The following RBFOX1 variants were observed in gnomAD, a reference collection of about 807,000 sequenced individuals.
RBFOX1 encodes RNA binding fox-1 homolog 1.
RBFOX1 carries 8 observed loss-of-function variants against 57.7 expected under a neutral mutation model. That is an observed-to-expected ratio of 0.14 (90% confidence interval 0.08 to 0.25). The LOEUF is 0.25. Among genes scored for constraint, RBFOX1 ranks in the 10% least tolerant of loss-of-function variants. The probability of loss-of-function intolerance (pLI) is 1.00; values close to 1 mark genes in which losing one functional copy is unlikely to be tolerated. For missense variants in RBFOX1, 611 were observed against 548.5 expected (o/e 1.11, Z -1.14); for synonymous variants, 326 against 222.4 (o/e 1.47, Z -4.15).
At chr16:5,760,791 T>C (rs756554262) in intron 3 of RBFOX1, among the ~76,000 whole-genome samples, 1 of 152,082 alleles carries the variant, frequency 6.6e-6, no homozygotes, top group Non-Finnish European at 1.5e-5. Flanking sequence ...CCAAAAAGAA[T>C]AGGTAAATCC....
Position 5,955,311 on chromosome 16 carries a change from TA to T in RBFOX1, c.351+87980del, listed in dbSNP as rs1172434533. On this transcript the variant is annotated intron_variant, in intron 4 of 19. Coordinates refer to the RBFOX1 transcript ENST00000641259. ...TAAAATAAAATAAAATAAAATAAAA[TA>T]AAATAAAATAAAATAAAATAAAATA... Among the ~76,000 whole-genome samples, 145 of 20,490 alleles carry T rather than the reference TA, an allele frequency of 7.1e-3. 12 individuals carry two copies. The highest frequency in any genetic ancestry group is 0.038 in the Middle Eastern group (2 of 52). 13.4% of individuals were successfully genotyped at this position (20,490 alleles called of 152,430 possible). A position where few individuals can be genotyped will look rare whatever the true frequency, so the allele number is the denominator to read the frequency against.
intron 3 of RBFOX1, among the ~76,000 whole-genome samples, chr16:5,665,894 C>T (rs915171486): frequency 1.3e-5 from 2 of 152,214 alleles, no homozygotes; most frequent in Non-Finnish European, 2.9e-5. Context: ...GCCTCAGCTT[C>T]TGAGAGGCAT....
intron 1 of RBFOX1, among the ~76,000 whole-genome samples, chr16:5,462,168 CTTTT>C (rs1250754827): frequency 7.4e-5 from 3 of 40,706 alleles, no homozygotes; most frequent in Non-Finnish European, 6.5e-5. Flanking sequence ...TTCTTTCTTT[CTTTT>C]TTTTTTTTTT....
chr16:7,470,269 C>T (rs2061328614), intron 4 of RBFOX1, among the ~76,000 whole-genome samples: 1 of 152,232 alleles, frequency 6.6e-6, no homozygotes, highest in Non-Finnish European at 1.5e-5. Flanking sequence ...TAGACTTCCA[C>T]ATCCTTAGTG....
chr16:5,736,785 G>A (rs995293500), intron 3 of RBFOX1, among the ~76,000 whole-genome samples: 4 of 150,964 alleles, frequency 2.6e-5, no homozygotes, highest in African/African-American at 7.3e-5. Context: ...ATCTGTTTAT[G>A]TGTCTGTGAA....
intron 2 of RBFOX1, among the ~76,000 whole-genome samples, chr16:6,535,456 C>G (rs1049993670): frequency 6.6e-6 from 1 of 152,178 alleles, no homozygotes; most frequent in Non-Finnish European, 1.5e-5. Flanking sequence ...TCTTTTCATA[C>G]CACCCAACAT....
chr16:7,125,237 G>C (rs904861643), intron 4 of RBFOX1, among the ~76,000 whole-genome samples: 1 of 152,196 alleles, frequency 6.6e-6, no homozygotes, highest in Non-Finnish European at 1.5e-5. Flanking sequence ...ATTTAGCAGA[G>C]ATAGAACTTT....
intron 3 of RBFOX1, among the ~76,000 whole-genome samples, chr16:5,700,043 A>G (rs558826603): frequency 3.9e-5 from 6 of 152,266 alleles, no homozygotes; most frequent in East Asian, 1.9e-4. Flanking sequence ...CGTGTTAGCC[A>G]GGATGGTTTC....
intron 14 of RBFOX1, among the ~76,000 whole-genome samples, chr16:7,688,047 G>A (rs2076443373): frequency 6.6e-6 from 1 of 151,990 alleles, no homozygotes; most frequent in South Asian, 2.1e-4. Flanking sequence ...GTATTGGCTG[G>A]GCAGTCAGGG....
chr16:6,218,467 C>G (rs1294055736), intron 1 of RBFOX1, among the ~76,000 whole-genome samples: 1 of 152,010 alleles, frequency 6.6e-6, no homozygotes, highest in Non-Finnish European at 1.5e-5. Context: ...CACCACCACA[C>G]CTGGCTAATT....
intron 1 of RBFOX1, among the ~76,000 whole-genome samples, chr16:6,068,169 G>A (rs1372806921): frequency 6.6e-6 from 1 of 152,084 alleles, no homozygotes; most frequent in Non-Finnish European, 1.5e-5. Context: ...TTTCTTATAC[G>A]TCTGCTCCCC....
intron 14 of RBFOX1, among the ~76,000 whole-genome samples, chr16:7,706,982 G>T (rs1392886274): frequency 6.6e-6 from 1 of 152,178 alleles, no homozygotes; most frequent in Non-Finnish European, 1.5e-5. Flanking sequence ...GATAATCGTT[G>T]ATTAAAGGCC....
At chr16:5,317,738 G>A (rs1816595618) in intron 1 of RBFOX1, among the ~76,000 whole-genome samples, 1 of 152,186 alleles carries the variant, frequency 6.6e-6, no homozygotes, top group Admixed American at 6.5e-5. Context: ...ATCAGGCATT[G>A]CTTTGCGTTT....
At chr16:6,456,899 A>T (rs2094787857) in intron 2 of RBFOX1, among the ~76,000 whole-genome samples, 1 of 152,136 alleles carries the variant, frequency 6.6e-6, no homozygotes, top group Non-Finnish European at 1.5e-5. Flanking sequence ...GAAAAAAGAG[A>T]AAGTATTGGG....
intron 3 of RBFOX1, among the ~76,000 whole-genome samples, chr16:5,799,636 C>T (rs1421066806): frequency 1.3e-5 from 2 of 152,132 alleles, no homozygotes; most frequent in African/African-American, 4.8e-5. Context: ...TTTTGTCCAA[C>T]TGTAGGCTCA....
intron 14 of RBFOX1, among the ~76,000 whole-genome samples, chr16:7,680,847 C>G (rs1463182187): frequency 6.6e-6 from 1 of 152,006 alleles, no homozygotes; most frequent in African/African-American, 2.4e-5. Context: ...CGTAGCTCAA[C>G]TTAATAGAAA....
intron 2 of RBFOX1, among the ~76,000 whole-genome samples, chr16:6,378,267 T>C (rs903970919): frequency 6.6e-6 from 1 of 152,194 alleles, no homozygotes; most frequent in Non-Finnish European, 1.5e-5. Context: ...GTGCTTCCCC[T>C]CCGTGCTCAC....
At chr16:5,530,175 C>T (rs988732190) in intron 2 of RBFOX1, among the ~76,000 whole-genome samples, 1 of 152,176 alleles carries the variant, frequency 6.6e-6, no homozygotes, top group African/African-American at 2.4e-5. Flanking sequence ...GATTCTTGAG[C>T]ATAATTGAAA....
intron 1 of RBFOX1, among the ~76,000 whole-genome samples, chr16:5,289,619 A>T (rs554758765): frequency 2.0e-5 from 3 of 152,360 alleles, no homozygotes; most frequent in Non-Finnish European, 4.4e-5. Flanking sequence ...GCAAAAGTAA[A>T]TATGTGCCTT....
Sources: allele counts gnomAD v4.1 joint callset (sites outside exome capture counted in the v4.1 genomes callset), GRCh38; gene constraint gnomAD v4.1.1; transcripts MANE v1.5; gene names NCBI Gene and HGNC (gene_info 2026-07-23, HGNC 2026-07-21).